The following CLDN14 variants were observed in gnomAD, a reference collection of about 807,000 sequenced individuals.
The protein encoded by CLDN14 is claudin 14, also known as claudin-14.
In CLDN14, 2 loss-of-function variants were observed where a neutral mutation model predicts 2.1. The ratio of observed to expected loss-of-function variants is 0.96; its 90% CI spans 0.39 to 3.01. The LOEUF (loss-of-function observed/expected upper bound fraction) is 3.01. Ranked by LOEUF, CLDN14 falls within the 30% of genes most tolerant of loss-of-function variation. CLDN14 has a pLI of 0.09. For synonymous variants in CLDN14, 136 were observed against 154.4 expected, an observed-to-expected ratio of 0.88 and a Z score of 0.88; for missense variants, 298 against 328.0, an observed-to-expected ratio of 0.91 and a Z score of 0.71.
At chr21:36,472,085 G>A (rs553721305) in intron 1 of CLDN14, among the ~76,000 whole-genome samples, 3 of 152,304 alleles carry the variant, frequency 2.0e-5, no homozygotes, top group South Asian at 4.1e-4. Context: ...ATCGCAATGC[G>A]CATTTTGCCA....
intron 2 of CLDN14, among the ~76,000 whole-genome samples, chr21:36,504,058 G>T (rs1277142980): frequency 6.7e-6 from 1 of 149,612 alleles, no homozygotes; most frequent in East Asian, 1.9e-4. Context: ...TGTTAAAAAG[G>T]CCAGATGTGG....
chr21:36,562,817 T>C (rs1219139970), intron 1 of CLDN14, among the ~76,000 whole-genome samples: 1 of 152,036 alleles, frequency 6.6e-6, no homozygotes, highest in Admixed American at 6.5e-5. Context: ...TGTAGTTTTG[T>C]GGTGAGCCCA....
intron 1 of CLDN14, among the ~76,000 whole-genome samples, chr21:36,559,488 A>G (rs1195363539): frequency 6.6e-6 from 1 of 152,158 alleles, no homozygotes; most frequent in Non-Finnish European, 1.5e-5. Context: ...TGAGCCACCC[A>G]GGCTGGCTGA....
intron 1 of CLDN14, among the ~76,000 whole-genome samples, chr21:36,554,541 A>G (rs1053245097): frequency 2.0e-5 from 3 of 152,136 alleles, no homozygotes; most frequent in Non-Finnish European, 2.9e-5. Flanking sequence ...TCCCCACAAC[A>G]TTCGTGCAAG....
At position 36,499,217 on chromosome 21, in the gene CLDN14, G is replaced by A. The variant is rs772001057; in HGVS notation, c.-82+11146C>T. On this transcript the variant is annotated intron_variant, in intron 2 of 2. Coordinates refer to the CLDN14 transcript ENST00000342108. The surrounding 1 kb of genome is among the most constrained non-coding windows in gnomAD (Gnocchi z 4.7). The stretch of plus-strand genomic sequence containing the variant: ...GCGGGAAACTGACCTTCAGCACTTT[G>A]ATGTGAATGGGGCCATTGCTTTCAG... Among the ~76,000 whole-genome samples the A allele has an allele frequency of 3.9e-5, 6 of 152,220 alleles. No homozygotes were observed. Among genetic ancestry groups the A allele is most frequent in the Admixed American group, 1.3e-4 (2 of 15,290 alleles).
chr21:36,529,582 A>G (rs1171058192), intron 1 of CLDN14, among the ~76,000 whole-genome samples: 1 of 151,974 alleles, frequency 6.6e-6, no homozygotes, highest in African/African-American at 2.4e-5. Flanking sequence ...TGGCCAAAAA[A>G]CCCATAGATT....
intron 1 of CLDN14, among the ~76,000 whole-genome samples, chr21:36,539,727 GGAGT>G (rs566707933): frequency 1.1e-4 from 16 of 151,212 alleles, no homozygotes; most frequent in East Asian, 7.9e-4. Context: ...TAGTGTGTGT[GGAGT>G]GAGTATGTGT....
intron 2 of CLDN14, among the ~76,000 whole-genome samples, chr21:36,500,409 A>G (rs2087082775): frequency 6.6e-6 from 1 of 152,190 alleles, no homozygotes; most frequent in Non-Finnish European, 1.5e-5. Flanking sequence ...CCCAGGAAAG[A>G]GATACATTCC....
At chr21:36,487,479 CAT>C (rs1262476463) in intron 2 of CLDN14, 4 of 154,814 alleles carry the variant, frequency 2.6e-5, no homozygotes, top group African/African-American at 7.2e-5. Context: ...AATAGTGCCT[CAT>C]AGTCTACTTA....
At chr21:36,486,569 C>T (rs766775089) in intron 2 of CLDN14, 249 of 1,556,774 alleles carry the variant, frequency 1.6e-4, no homozygotes, top group Non-Finnish European at 1.4e-4. Context: ...ATCAGCCAAG[C>T]TGGGCCCAGG....
At chr21:36,555,306 C>T (rs1365566393) in intron 1 of CLDN14, among the ~76,000 whole-genome samples, 2 of 80,704 alleles carry the variant, frequency 2.5e-5, no homozygotes, top group Non-Finnish European at 6.5e-5. Flanking sequence ...AAACACAAGC[C>T]AAAAGAGGAG....
chr21:36,461,326 G>C lies in CLDN14; in HGVS notation c.370C>G (p.Leu124Val). The part of the protein sequence containing the change: ...KTTFAILGGT[L>V]FILAGLLCMV... ...CACAGGAGGCCGGCCAGGATGAAGA[G>C]GGTGCCGCCGAGGATGGCAAAGGTG... The change falls in exon 2 of 2, where the codon CTC becomes GTC. Residue 124 changes from leucine (L) to valine (V), a missense_variant. Physicochemically the swap from Leu to Val is conservative, Grantham distance 32 (BLOSUM62 1). Coordinates refer to ENST00000399135, the MANE Select transcript of CLDN14 (RefSeq NM_001146079.2). 1 of 1,613,574 alleles carries C rather than the reference G, an allele frequency of 6.2e-7. No homozygotes were observed. The highest frequency in any genetic ancestry group is 8.5e-7 in the Non-Finnish European group (1 of 1,179,978).
rs189773168 is a variant in CLDN14, at chr21:36,538,695, G to A, written c.-219-28195C>T. On this transcript the variant is annotated intron_variant, in intron 1 of 2. Coordinates refer to the CLDN14 transcript ENST00000342108. ...CCCAGCGTCCAGCAGCAGTCGGTAA[G>A]AGAAGCCCATGTATGAGAATCAGGA... 2.3e-3 allele frequency among the ~76,000 whole-genome samples: 354 copies of A among 152,310 alleles called. 5 individuals carry two copies. The highest frequency in any genetic ancestry group is 0.018 in the Admixed American group (269 of 15,302).
intron 1 of CLDN14, among the ~76,000 whole-genome samples, chr21:36,463,637 G>A (rs757639278): frequency 7.2e-5 from 11 of 152,160 alleles, no homozygotes; most frequent in African/African-American, 1.9e-4. Flanking sequence ...CGCTTGAACC[G>A]GGAGGCGGAG....
At chr21:36,466,027 G>A (rs1419458178) in intron 1 of CLDN14, among the ~76,000 whole-genome samples, 1 of 152,170 alleles carries the variant, frequency 6.6e-6, no homozygotes, top group East Asian at 1.9e-4. Flanking sequence ...TTGGAATGCT[G>A]CATTTGCAGG....
intron 2 of CLDN14, among the ~76,000 whole-genome samples, chr21:36,489,756 G>A (rs748768536): frequency 6.6e-5 from 10 of 152,316 alleles, no homozygotes; most frequent in South Asian, 2.1e-4. Context: ...GCCAATGACC[G>A]CGAGGGAGCT....
At chr21:36,464,185 C>T (rs183962685) in intron 1 of CLDN14, among the ~76,000 whole-genome samples, 68 of 152,280 alleles carry the variant, frequency 4.5e-4, no homozygotes, top group African/African-American at 1.5e-3. Context: ...CTCTCTCTTC[C>T]TCCTTCTCCG....
chr21:36,566,300 G>A (rs1253225480), intron 1 of CLDN14, among the ~76,000 whole-genome samples: 1 of 152,180 alleles, frequency 6.6e-6, no homozygotes, highest in Non-Finnish European at 1.5e-5. Flanking sequence ...TATTTGTAAA[G>A]CACTCAGTCA....
intron 1 of CLDN14, among the ~76,000 whole-genome samples, chr21:36,470,483 G>A (rs2146431177): frequency 6.6e-6 from 1 of 152,312 alleles, no homozygotes; most frequent in East Asian, 1.9e-4. Flanking sequence ...GGCCCAGCAG[G>A]AGGCCCAGGA....
Sources: gnomAD v4.1 joint callset for allele counts (sites outside exome capture counted in the v4.1 genomes callset) on GRCh38, gnomAD v4.1.1 for gene constraint, Gnocchi (gnomAD v3.1) non-coding constraint, MANE v1.5 for transcripts, NCBI Gene and HGNC (gene_info 2026-07-23, HGNC 2026-07-21) for gene names.